Variants in SLC35F3 observed in about 807,000 individuals in gnomAD.
SLC35F3 encodes the protein putative thiamine transporter SLC35F3.
SLC35F3 carries 25 observed loss-of-function variants against 49.9 expected under a neutral mutation model. That is an observed-to-expected ratio of 0.50 (90% CI 0.37 to 0.70). The LOEUF is 0.70. SLC35F3 is among the 30% of genes least tolerant of loss of function. The probability of loss-of-function intolerance (pLI) is 0.00; values close to 1 mark genes in which losing one functional copy is unlikely to be tolerated. For synonymous variants in SLC35F3, 275 were observed against 265.4 expected, an observed-to-expected ratio of 1.04 and a Z score of -0.35; for missense variants, 525 against 639.8, an observed-to-expected ratio of 0.82 and a Z score of 1.94.
intron 2 of SLC35F3, among the ~76,000 whole-genome samples, chr1:234,120,822 C>T (rs1055748226): frequency 6.6e-6 from 1 of 152,208 alleles, no homozygotes; most frequent in African/African-American, 2.4e-5. Context: ...ACTTAAAATT[C>T]TGATCAACTT....
chr1:234,082,936 C>T (rs1664903151), intron 2 of SLC35F3, among the ~76,000 whole-genome samples: 1 of 152,174 alleles, frequency 6.6e-6, no homozygotes, highest in African/African-American at 2.4e-5. Context: ...GGTGGGGACA[C>T]AACCAAACCA....
chr1:234,064,558 G>T (rs997130911), intron 2 of SLC35F3, among the ~76,000 whole-genome samples: 1 of 152,092 alleles, frequency 6.6e-6, no homozygotes, highest in Non-Finnish European at 1.5e-5. Context: ...GCTACCCCCA[G>T]GGTCCTGTGG....
chr1:234,002,745 G>A (rs991439258), intron 2 of SLC35F3, among the ~76,000 whole-genome samples: 5 of 152,140 alleles, frequency 3.3e-5, no homozygotes, highest in African/African-American at 1.2e-4. Flanking sequence ...GGAGGGTTGC[G>A]TCTACCTCCT....
chr1:234,302,152 GGTTGTT>G (rs1229685538), intron 3 of SLC35F3, among the ~76,000 whole-genome samples: 1 of 151,920 alleles, frequency 6.6e-6, no homozygotes, highest in Non-Finnish European at 1.5e-5. Context: ...ATGTATCCTG[GGTTGTT>G]GTTGTTGTTG....
At chr1:234,012,151 A>G (rs778373841) in intron 2 of SLC35F3, among the ~76,000 whole-genome samples, 19 of 152,224 alleles carry the variant, frequency 1.2e-4, no homozygotes, top group Admixed American at 9.8e-4. Flanking sequence ...CCAGATTTAT[A>G]TTTCTCTCTG....
chr1:234,125,524 T>C (rs1572061180), intron 2 of SLC35F3, among the ~76,000 whole-genome samples: 1 of 151,754 alleles, frequency 6.6e-6, no homozygotes, highest in Non-Finnish European at 1.5e-5. Flanking sequence ...GGCCGGGAGG[T>C]ATAGCCCACC....
At chr1:233,987,132 C>CA (rs58046704) in intron 2 of SLC35F3, among the ~76,000 whole-genome samples, 16,155 of 151,626 alleles carry the variant, frequency 0.11, 1,379 homozygotes, top group East Asian at 0.26. Context: ...ACCAAAAATA[C>CA]AAAAAAAATT....
At chr1:233,951,705 T>G (rs1035129841) in intron 2 of SLC35F3, among the ~76,000 whole-genome samples, 9 of 151,776 alleles carry the variant, frequency 5.9e-5, no homozygotes, top group Admixed American at 5.9e-4. Flanking sequence ...ATGTAGATGA[T>G]TCTTCTTCTT....
chr1:234,040,359 G>A (rs74953868), intron 2 of SLC35F3, among the ~76,000 whole-genome samples: 2,609 of 152,212 alleles, frequency 0.017, 85 homozygotes, highest in African/African-American at 0.055. Context: ...GTAAAAAGAC[G>A]TTATTCAAAA....
At chr1:234,196,967 A>G (rs1376987998) in intron 2 of SLC35F3, among the ~76,000 whole-genome samples, 1 of 152,196 alleles carries the variant, frequency 6.6e-6, no homozygotes, top group Non-Finnish European at 1.5e-5. Context: ...AGACAAAGAT[A>G]AACATAGCTG....
Position 234,310,798 on chromosome 1 carries a change from A to AT in SLC35F3, c.828+1486dup, listed in dbSNP as rs976791146. On this transcript the variant is annotated intron_variant, in intron 4 of 7. Transcript: ENST00000366618. ...ATTCTGCATCTAGCAGAAGAAACCC[A>AT]TTTTTTTTGAGGTTAAGAGAAGGAG... Among the ~76,000 whole-genome samples, 60 of 152,166 alleles carry AT rather than the reference A, an allele frequency of 3.9e-4. 1 individual carries two copies. The East Asian group carries it at 9.5e-3, about 24-fold the overall frequency.
intron 2 of SLC35F3, among the ~76,000 whole-genome samples, chr1:234,115,181 G>A (rs1368959710): frequency 6.6e-6 from 1 of 152,178 alleles, no homozygotes; most frequent in Non-Finnish European, 1.5e-5. Context: ...TCTCCTGGAA[G>A]AAGCTGGATG....
chr1:234,313,480 C>A (rs1246123384), intron 4 of SLC35F3, among the ~76,000 whole-genome samples: 1 of 152,142 alleles, frequency 6.6e-6, no homozygotes, highest in Non-Finnish European at 1.5e-5. Context: ...GGCCTGTGTT[C>A]CTTCCTTACC....
intron 2 of SLC35F3, among the ~76,000 whole-genome samples, chr1:234,002,735 G>A (rs1366789326): frequency 1.3e-5 from 2 of 152,094 alleles, no homozygotes; most frequent in South Asian, 2.1e-4. Context: ...CCACCCTTAA[G>A]GAGGGTTGCG....
chr1:233,939,561 G>C lies in SLC35F3; in HGVS notation c.283+33803G>C, dbSNP rs115102191. ...TGATTATGAACGGGTGTGTTCCAGA[G>C]AGTTGAGAAGAGGCTAAATCTCAGC... On this transcript the variant is annotated intron_variant, in intron 2 of 7. Transcript: ENST00000366618. Among the ~76,000 whole-genome samples, 1,280 of 152,284 alleles carry C rather than the reference G, an allele frequency of 8.4e-3. 15 individuals carry two copies. The highest frequency in any genetic ancestry group is 0.029 in the African/African-American group (1,192 of 41,554).
chr1:234,051,572 A>G (rs957960247), intron 2 of SLC35F3, among the ~76,000 whole-genome samples: 1 of 152,230 alleles, frequency 6.6e-6, no homozygotes, highest in Non-Finnish European at 1.5e-5. Context: ...ATATACAATC[A>G]TGTCATCTGC....
intron 2 of SLC35F3, among the ~76,000 whole-genome samples, chr1:234,135,065 A>G (rs945193366): frequency 6.6e-6 from 1 of 152,160 alleles, no homozygotes; most frequent in African/African-American, 2.4e-5. Flanking sequence ...AACCAACAAG[A>G]CAGAGAATGA....
chr1:234,029,081 TC>T (rs565958337), intron 2 of SLC35F3, among the ~76,000 whole-genome samples: 110 of 152,340 alleles, frequency 7.2e-4, no homozygotes, highest in African/African-American at 2.5e-3. Flanking sequence ...AAATTCTGTT[TC>T]TTTCATTCGA....
At chr1:233,982,354 G>GA in intron 2 of SLC35F3, among the ~76,000 whole-genome samples, 1 of 152,108 alleles carries the variant, frequency 6.6e-6, no homozygotes, top group Non-Finnish European at 1.5e-5. Context: ...TTCAGTTTGA[G>GA]AGGTTTTTTT....
Sources: gnomAD v4.1 joint callset for allele counts (sites outside exome capture counted in the v4.1 genomes callset) on GRCh38, gnomAD v4.1.1 for gene constraint, MANE v1.5 for transcripts, NCBI Gene and HGNC (gene_info 2026-07-23, HGNC 2026-07-21) for gene names.